Variants in IFT52 observed in about 807,000 individuals in gnomAD.
The protein encoded by IFT52 is intraflagellar transport protein 52 homolog.
Under a neutral mutation model 54.4 loss-of-function variants are expected in IFT52, and 44 were observed. That is an observed-to-expected ratio of 0.81 (90% CI 0.63 to 1.04). The LOEUF (loss-of-function observed/expected upper bound fraction) is 1.04. IFT52 is among the 50% of genes least tolerant of loss of function. The pLI is 0.00. For missense variants in IFT52, 452 were observed against 523.6 expected, an observed-to-expected ratio of 0.86 and a Z score of 1.33; for synonymous variants, 181 against 185.3, an observed-to-expected ratio of 0.98 and a Z score of 0.19.
intron 10 of IFT52, 50 bp from the exon 11 acceptor site, chr20:43,635,876 C>G: frequency 6.6e-7 from 1 of 1,526,542 alleles, no homozygotes; most frequent in Non-Finnish European, 9.1e-7. Context: ...GTTAGACGTG[C>G]TGAGCTATAG....
chr20:43,646,209 CAAAAAA>C (rs3092766), intron 13 of IFT52, among the ~76,000 whole-genome samples: 1 of 136,322 alleles, frequency 7.3e-6, no homozygotes, highest in African/African-American at 2.7e-5. Context: ...AGACTCGTCT[CAAAAAA>C]AAAAAAAAAA....
At position 43,623,938 on chromosome 20, in the gene IFT52, G is replaced by C. The variant is rs764334202; in HGVS notation, c.816G>C (p.Arg272=). The change falls in exon 10 of 14, where the codon CGG becomes CGC. Residue 272 remains arginine (R), a synonymous_variant. Coordinates refer to ENST00000373030, the MANE Select transcript of IFT52 (RefSeq NM_016004.5). ...CCTACACAGCCACCCTATCAAAGCG[G>C]AATCGAGAGTGTCTCCAGGAGAGTG... The part of the protein sequence containing the change: ...MLPYTATLSK[R]NRECLQESDE... 2 of 1,614,172 alleles carry C rather than the reference G, an allele frequency of 1.2e-6. No individual in the cohort carries two copies. The highest frequency in any genetic ancestry group is 1.7e-6 in the Non-Finnish European group (2 of 1,180,038).
chr20:43,624,812 G>C (rs1272496927), intron 10 of IFT52, among the ~76,000 whole-genome samples: 2 of 152,114 alleles, frequency 1.3e-5, no homozygotes, highest in Non-Finnish European at 2.9e-5. Context: ...TTTGCTCAGG[G>C]AGAAAATTGT....
intron 3 of IFT52, among the ~76,000 whole-genome samples, chr20:43,599,794 T>C (rs1007295255): frequency 1.1e-4 from 17 of 152,172 alleles, no homozygotes; most frequent in Admixed American, 1.3e-4. Flanking sequence ...CCACCTCAAC[T>C]ACATTGACGC....
chr20:43,641,688 G>T (rs910246794), intron 12 of IFT52, among the ~76,000 whole-genome samples: 1 of 151,054 alleles, frequency 6.6e-6, no homozygotes, highest in African/African-American at 2.4e-5. Flanking sequence ...TAGAGACAGG[G>T]TTTCACCATG....
At chr20:43,626,488 C>T (rs1984732158) in intron 10 of IFT52, among the ~76,000 whole-genome samples, 1 of 152,048 alleles carries the variant, frequency 6.6e-6, no homozygotes, top group Non-Finnish European at 1.5e-5. Flanking sequence ...TCAGGTGATC[C>T]ACCTACCTCG....
At chr20:43,643,179 A>G (rs946479631) in intron 13 of IFT52, among the ~76,000 whole-genome samples, 9 of 146,866 alleles carry the variant, frequency 6.1e-5, no homozygotes, top group Non-Finnish European at 1.4e-4. Context: ...AAAAACAAAA[A>G]AACAAAACAA....
At chr20:43,609,749 T>C (rs971378653) in intron 6 of IFT52, among the ~76,000 whole-genome samples, 5 of 129,338 alleles carry the variant, frequency 3.9e-5, no homozygotes, top group African/African-American at 1.5e-4. Flanking sequence ...CACTCCGGCC[T>C]GGGCAACAGG....
chr20:43,624,262 T>C (rs1156253960), intron 10 of IFT52: 1 of 563,058 alleles, frequency 1.8e-6, no homozygotes, highest in African/African-American at 1.9e-5. Context: ...TTCCAGATTC[T>C]GGACCAGGCA....
Position 43,636,019 on chromosome 20 carries a change from T to C in IFT52, c.1011+6T>C, listed in dbSNP as rs1230095371. 1 of 1,613,806 alleles carries C rather than the reference T, an allele frequency of 6.2e-7. No individual in the cohort carries two copies. The highest frequency in any genetic ancestry group is 8.5e-7 in the Non-Finnish European group (1 of 1,179,776). On this transcript the variant is annotated splice_donor_region_variant and intron_variant, in intron 11 of 13. Transcript: ENST00000373030. ...TGCCAACCCTTCAGCCTGCGGTGAG[T>C]AGGTGTGCTTGGGAGATCCCACTGC...
Position 43,637,155 on chromosome 20 carries a change from C to CCAGTTT in IFT52, c.1024_1029dup (p.Ser342_Phe343dup). On this transcript the variant is annotated inframe_insertion, in exon 12 of 14. Coordinates refer to ENST00000373030, the MANE Select transcript of IFT52 (RefSeq NM_016004.5). ...TTTATTTCCTTTTAGGTTTTTCCTCCCAGTTTCCGGGAGTTACCACCTCCT... is the reference window on the plus strand; with the variant it reads ...TTTATTTCCTTTTAGGTTTTTCCTCCCAGTTTCAGTTTCCGGGAGTTACCACCTCCT... The CCAGTTT allele has an allele frequency of 2.5e-6, 4 of 1,609,750 alleles. No homozygotes were observed. The highest frequency in any genetic ancestry group is 3.4e-6 in the Non-Finnish European group (4 of 1,176,542).
At chr20:43,610,858 T>G (rs1568741017) in intron 6 of IFT52, among the ~76,000 whole-genome samples, 1 of 152,242 alleles carries the variant, frequency 6.6e-6, no homozygotes, top group Non-Finnish European at 1.5e-5. Flanking sequence ...TAGAAGTTCC[T>G]GATTCCCTCT....
chr20:43,636,211 T>G (rs1280203309), intron 11 of IFT52, among the ~76,000 whole-genome samples, 198 bp downstream of exon 11: 1 of 152,246 alleles, frequency 6.6e-6, no homozygotes, highest in Non-Finnish European at 1.5e-5. Flanking sequence ...GCTTCCAAAT[T>G]GAGGAATCAA....
chr20:43,641,619 G>A (rs528246758), intron 12 of IFT52, among the ~76,000 whole-genome samples: 51 of 151,738 alleles, frequency 3.4e-4, no homozygotes, highest in South Asian at 1.0e-3. Context: ...TCAGCCTCCC[G>A]AGTAGCTGGG....
chr20:43,603,830 C>A lies in IFT52; in HGVS notation c.278C>A (p.Ser93Tyr). ...GTGATGCTAGGAGAAGGTGGAGAAT[C>A]CAGATTTGACACCAATATTAACTTT... ...VFVMLGEGGE[S>Y]RFDTNINFLL... The change falls in exon 4 of 14, where the codon TCC (serine) becomes TAC (tyrosine). Residue 93 changes from serine to tyrosine, a missense_variant. Ser to Tyr is a moderately radical substitution (Grantham distance 144). Coordinates refer to ENST00000373030, the MANE Select transcript of IFT52 (RefSeq NM_016004.5). 1 of 1,572,996 alleles carries A rather than the reference C, an allele frequency of 6.4e-7. No homozygotes were observed. Among genetic ancestry groups the A allele is most frequent in the South Asian group, 1.1e-5 (1 of 89,160 alleles).
intron 10 of IFT52, among the ~76,000 whole-genome samples, chr20:43,630,936 C>T (rs1291251986): frequency 6.6e-6 from 1 of 152,198 alleles, no homozygotes; most frequent in Admixed American, 6.5e-5. Context: ...AGCCTTTGCT[C>T]CAGCACAGTC....
intron 7 of IFT52, among the ~76,000 whole-genome samples, chr20:43,615,422 A>AT (rs1033446134): frequency 7.0e-4 from 107 of 151,936 alleles, no homozygotes; most frequent in African/African-American, 2.3e-3. Flanking sequence ...TGATCTCCTA[A>AT]TTTTTTTTCT....
At position 43,643,632 on chromosome 20, in the gene IFT52, C is replaced by T. The variant is rs1986070121; in HGVS notation, c.1266+1008C>T. 3.4e-5 allele frequency among the ~76,000 whole-genome samples: 2 copies of T among 58,086 alleles called. 1 individual carries two copies. Among genetic ancestry groups the T allele is most frequent in the Non-Finnish European group, 8.2e-5 (2 of 24,256 alleles). 38.1% of individuals were successfully genotyped at this position (58,086 alleles called of 152,430 possible). A position where few individuals can be genotyped will look rare whatever the true frequency, so the allele number is the denominator to read the frequency against. ...GCAAAGATTTGAAGGTGTTGAGAGA[C>T]TTAGCCATGCAGATATCTGGGGGAG... On this transcript the variant is annotated intron_variant, in intron 13 of 13. Transcript: ENST00000373030.
chr20:43,607,425 C>T (rs933919354), intron 6 of IFT52, among the ~76,000 whole-genome samples: 6 of 149,112 alleles, frequency 4.0e-5, no homozygotes, highest in African/African-American at 1.5e-4. Flanking sequence ...GGGCGGCTGC[C>T]GGGCGGAGGG....
Sources: gnomAD v4.1 joint callset for allele counts (sites outside exome capture counted in the v4.1 genomes callset) on GRCh38, gnomAD v4.1.1 for gene constraint, MANE v1.5 for transcripts, NCBI Gene and HGNC (gene_info 2026-07-23, HGNC 2026-07-21) for gene names.